The following TCHH variants were observed in gnomAD, a reference collection of about 807,000 sequenced individuals.
The protein encoded by TCHH is trichohyalin.
A neutral mutation model predicts 6.3 loss-of-function variants in TCHH; 6 were observed. That is an observed-to-expected ratio of 0.95 (90% CI 0.52 to 1.88). The LOEUF is 1.88. Among genes scored for constraint, TCHH ranks in the 40% most tolerant of loss-of-function variants. The pLI, the probability that TCHH is intolerant of heterozygous loss-of-function variation, is 0.01. For missense variants in TCHH, 2,920 were observed against 2,449.1 expected (o/e 1.19, Z -4.06); for synonymous variants, 1,087 against 963.6 (o/e 1.13, Z -2.37).
chr1:152,111,672 G>T lies in TCHH; in HGVS notation c.1545C>A (p.Arg515=), dbSNP rs770054167. The change falls in exon 3 of 3, where the codon CGC becomes CGA. Residue 515 remains arginine, a synonymous_variant. Coordinates refer to ENST00000614923, the MANE Select transcript of TCHH (RefSeq NM_007113.4). ...QQLRREQEER[R]EQRLKRQEEE... ...CCTCCTGGCGCTTCAGCCGCTGCTC[G>T]CGCCTCTCCTCTTGCTCCCGCCTTA... 2 of 1,548,600 alleles carry T rather than the reference G, an allele frequency of 1.3e-6. No homozygotes were observed. The highest frequency in any genetic ancestry group is 2.4e-5 in the East Asian group (1 of 41,246).
Position 152,112,954 on chromosome 1 carries a change from G to A in TCHH, c.263C>T (p.Ala88Val). The change falls in exon 3 of 3, where the codon GCT becomes GTT. Residue 88 changes from alanine to valine, a missense_variant. Physicochemically the swap from Ala to Val is moderately conservative, Grantham distance 64 (BLOSUM62 0). Coordinates refer to ENST00000614923, the MANE Select transcript of TCHH (RefSeq NM_007113.4). ...IFKVAQACYY[A>V]LGQATGLDEE... ...ATCCAGTCCCGTGGCCTGGCCGAGA[G>A]CATAGTAACAAGCTTGAGCCACTTT... The A allele has an allele frequency of 6.2e-7, 1 of 1,614,042 alleles. No homozygotes were observed.
chr1:152,109,509 A>G lies in TCHH; in HGVS notation c.3708T>C (p.Arg1236=), dbSNP rs1258469698. The change falls in exon 3 of 3, where the codon CGT becomes CGC. Residue 1236 remains arginine, a synonymous_variant. Transcript: ENST00000614923. ...QWEPEKENAV[R]DNKVYCKGRE... is the part of the protein sequence containing the mutation. ...TGCCTTTGCAGTAAACCTTGTTATC[A>G]CGAACTGCATTTTCTTTTTCTGGTT... The G allele has an allele frequency of 6.2e-7, 1 of 1,614,112 alleles. No individual in the cohort carries two copies. The highest frequency in any genetic ancestry group is 8.5e-7 in the Non-Finnish European group (1 of 1,180,048).
chr1:152,108,478 T>G lies in TCHH; in HGVS notation c.4739A>C (p.Lys1580Thr). 1.2e-6 allele frequency: 2 copies of G among 1,612,890 alleles called. No individual in the cohort carries two copies. Among genetic ancestry groups the G allele is most frequent in the Non-Finnish European group, 1.7e-6 (2 of 1,179,710 alleles). The change falls in exon 3 of 3, where the codon AAA becomes ACA. Residue 1580 changes from lysine (K) to threonine (T), a missense_variant. Coordinates refer to ENST00000614923, the MANE Select transcript of TCHH (RefSeq NM_007113.4). Reference protein sequence around the residue: ...QQLSRQERDRKFRLEEQKVRR... With the variant: ...QQLSRQERDRTFRLEEQKVRR... ...CACTTTCTGTTCCTCTAAACGGAAT[T>G]TTCTGTCACGCTCTTGGCGGCTCAG... is the stretch of plus-strand genomic sequence containing the variant.
In TCHH at chr1:152,113,043, C is replaced by G; in HGVS notation, c.174G>C (p.Leu58=). The G allele has an allele frequency of 2.5e-6, 4 of 1,613,606 alleles. No homozygotes were observed. Among genetic ancestry groups the G allele is most frequent in the Non-Finnish European group, 2.5e-6 (3 of 1,179,792 alleles). The change falls in exon 3 of 3, where the codon CTG becomes CTC. Residue 58 remains leucine (L), a synonymous_variant. Transcript: ENST00000614923. Reference sequence around the variant, plus strand: ...CATTACTGTCAAGATCCAGAAGTTCCAGGATCAGATCTACCGTCTTAGGGT... The same window carrying G: ...CATTACTGTCAAGATCCAGAAGTTCGAGGATCAGATCTACCGTCTTAGGGT... ...PHDPKTVDLI[L]ELLDLDSNGR... is the part of the protein sequence containing the mutation.
chr1:152,112,367 G>A lies in TCHH; in HGVS notation c.850C>T (p.Gln284Ter). ...EEEQLRKLER[Q>*]ELRRERQEEE... ...TCCTGGCGCTCCCTCCTCAGCTCTT[G>A]CCGCTCCAGCTTCCGTAGCTGCTCT... Residue 284 changes from glutamine (Q) to a stop codon, truncating the protein, a stop_gained, in exon 3 of 3, where the codon CAA (glutamine) becomes TAA (stop). Coordinates refer to ENST00000614923, the MANE Select transcript of TCHH (RefSeq NM_007113.4). LOFTEE classifies it low-confidence loss of function (END_TRUNC). 3 of 1,613,652 alleles carry A rather than the reference G, an allele frequency of 1.9e-6. No individual in the cohort carries two copies. Among genetic ancestry groups the A allele is most frequent in the Non-Finnish European group, 2.5e-6 (3 of 1,180,010 alleles).
In TCHH at chr1:152,112,991, G is replaced by A. The variant is rs376099628; in HGVS notation, c.226C>T (p.Leu76=). The change falls in exon 3 of 3, where the codon CTA becomes TTA. Residue 76 remains leucine, a synonymous_variant. Transcript: ENST00000614923. ...GCTTGAGCCACTTTGAAAATAAATA[G>A]GAGGAATTCGTTGAAATCGACACGC... ...NGRVDFNEFL[L]FIFKVAQACY... 2.6e-5 allele frequency: 42 copies of A among 1,613,960 alleles called. No homozygotes were observed. In the African/African-American group the frequency reaches 4.4e-4, roughly 17 times the overall value.
In TCHH at chr1:152,107,413, T is replaced by C. The variant is rs1403491397; in HGVS notation, c.5804A>G (p.Gln1935Arg). The C allele has an allele frequency of 6.3e-7, 1 of 1,595,510 alleles. No individual in the cohort carries two copies. The highest frequency in any genetic ancestry group is 1.3e-5 in the African/African-American group (1 of 74,202). ...AGGGCGGTATTGAGATCTCTGCTCTTGGATGTACTCATAGAGAGGGCTGGA... is the reference window on the plus strand; with the variant it reads ...AGGGCGGTATTGAGATCTCTGCTCTCGGATGTACTCATAGAGAGGGCTGGA... ...VRSSPLYEYI[Q>R]EQRSQYRP Residue 1935 changes from glutamine to arginine, a missense_variant, in exon 3 of 3, where the codon CAA becomes CGA. By Grantham distance (43) the Gln-to-Arg change is conservative (BLOSUM62 1). Transcript: ENST00000614923.
Position 152,109,933 on chromosome 1 carries a change from C to T in TCHH, c.3284G>A (p.Arg1095Lys), listed in dbSNP as rs771823311. ...ELQQEEEQLL[R>K]EEPEKRRRQE... ...GCGCCTTCTCTTCTCCGGTTCCTCT[C>T]TCAGCAGCTGCTCTTCCTCCTGCTG... The change falls in exon 3 of 3, where the codon AGA becomes AAA. Residue 1095 changes from arginine to lysine, a missense_variant. Coordinates refer to ENST00000614923, the MANE Select transcript of TCHH (RefSeq NM_007113.4). 3.1e-6 allele frequency: 5 copies of T among 1,592,592 alleles called. No homozygotes were observed. Among genetic ancestry groups the T allele is most frequent in the Non-Finnish European group, 4.3e-6 (5 of 1,171,318 alleles).
At position 152,109,202 on chromosome 1, in the gene TCHH, G is replaced by C. The variant is rs867454892; in HGVS notation, c.4015C>G (p.Arg1339Gly). 2 of 1,614,122 alleles carry C rather than the reference G, an allele frequency of 1.2e-6. No individual in the cohort carries two copies. Among genetic ancestry groups the C allele is most frequent in the South Asian group, 1.1e-5 (1 of 91,094 alleles). ...TCCTGGAGCAGCTGTTCCTCCTCGC[G>C]GAATTTTCTGTCTGTCTCTTGACGG... The part of the protein sequence containing the change: ...RRRQETDRKF[R>G]EEEQLLQERE... Residue 1339 changes from arginine (R) to glycine (G), a missense_variant, in exon 3 of 3, where the codon CGC becomes GGC. By Grantham distance (125) the Arg-to-Gly change is moderately radical. Coordinates refer to ENST00000614923, the MANE Select transcript of TCHH (RefSeq NM_007113.4).
At position 152,109,328 on chromosome 1, in the gene TCHH, C is replaced by T. The variant is rs371178822; in HGVS notation, c.3889G>A (p.Glu1297Lys). Residue 1297 changes from glutamate (E) to lysine (K), a missense_variant, in exon 3 of 3, where the codon GAA becomes AAA. By Grantham distance (56) the Glu-to-Lys change is moderately conservative (BLOSUM62 1). Transcript: ENST00000614923. ...QQRDRHFPEEEQLEREEQKEA... is the reference protein window; with the variant it reads ...QQRDRHFPEEKQLEREEQKEA... The stretch of plus-strand genomic sequence containing the variant: ...TTTTGCTCTTCTCGCTCCAGCTGTT[C>T]TTCCTCTGGGAAATGCCTGTCGCGC... 3.5e-5 allele frequency: 57 copies of T among 1,614,112 alleles called. No individual in the cohort carries two copies. In the Middle Eastern group the frequency reaches 4.9e-4, roughly 14 times the overall value.
Position 152,110,713 on chromosome 1 carries a change from T to G in TCHH, c.2504A>C (p.Glu835Ala), listed in dbSNP as rs1464198330. Reference protein sequence around the residue: ...REREKELQFLEEEEQLQRRER... With the variant: ...REREKELQFLAEEEQLQRRER... ...CCGCCGCTGGAGCTGCTCCTCTTCC[T>G]CCAGGAACTGCAGCTCTTTCTCCCT... The change falls in exon 3 of 3, where the codon GAG becomes GCG. Residue 835 changes from glutamate (E) to alanine (A), a missense_variant. Coordinates refer to ENST00000614923, the MANE Select transcript of TCHH (RefSeq NM_007113.4). 4 of 1,611,828 alleles carry G rather than the reference T, an allele frequency of 2.5e-6. No individual in the cohort carries two copies.
In TCHH at chr1:152,110,525, G is replaced by C; in HGVS notation, c.2692C>G (p.Gln898Glu). ...AGCAGCTGCTGTTCCTTCCTCAGCTGCTCTTGTAGGGCTGGCTTGGCGTAC... is the reference window on the plus strand; with the variant it reads ...AGCAGCTGCTGTTCCTTCCTCAGCTCCTCTTGTAGGGCTGGCTTGGCGTAC... ...TLYAKPALQE[Q>E]LRKEQQLLQE... The change falls in exon 3 of 3, where the codon CAG becomes GAG. Residue 898 changes from glutamine (Q) to glutamate (E), a missense_variant. Physicochemically the swap from Gln to Glu is conservative, Grantham distance 29. Coordinates refer to ENST00000614923, the MANE Select transcript of TCHH (RefSeq NM_007113.4). 1 of 1,614,138 alleles carries C rather than the reference G, an allele frequency of 6.2e-7. No individual in the cohort carries two copies. Among genetic ancestry groups the C allele is most frequent in the Non-Finnish European group, 8.5e-7 (1 of 1,180,020 alleles).
In TCHH at chr1:152,108,966, G is replaced by A. The variant is rs774829499; in HGVS notation, c.4251C>T (p.Arg1417=). 11 of 1,605,626 alleles carry A rather than the reference G, an allele frequency of 6.9e-6. No homozygotes were observed. Among genetic ancestry groups the A allele is most frequent in the South Asian group, 2.2e-5 (2 of 90,738 alleles). ...GGCGGCTCAGCTGCTGTTCCTCCTC[G>A]CGGAATTTTCTGTCGCGGTCCTGAC... ...QLRQDRDRKF[R]EEEQQLSRQE... The change falls in exon 3 of 3, where the codon CGC becomes CGT. Residue 1417 remains arginine (R), a synonymous_variant. Coordinates refer to ENST00000614923, the MANE Select transcript of TCHH (RefSeq NM_007113.4).
rs1385207490 is a variant in TCHH, at chr1:152,107,803, T to G, written c.5414A>C (p.Gln1805Pro). 2 of 1,613,358 alleles carry G rather than the reference T, an allele frequency of 1.2e-6. No individual in the cohort carries two copies. Among genetic ancestry groups the G allele is most frequent in the Non-Finnish European group, 1.7e-6 (2 of 1,179,802 alleles). The part of the protein sequence containing the change: ...RKFREEEQLR[Q>P]EREEQQLRPQ... Reference sequence around the variant, plus strand: ...GCGCAGCTGCTGTTCTTCCCTCTCCTGGCGTAGCTGTTCCTCCTCGCGGAA... The same window carrying G: ...GCGCAGCTGCTGTTCTTCCCTCTCCGGGCGTAGCTGTTCCTCCTCGCGGAA... Residue 1805 changes from glutamine (Q) to proline (P), a missense_variant, in exon 3 of 3, where the codon CAG becomes CCG. By Grantham distance (76) the Gln-to-Pro change is moderately conservative. Coordinates refer to ENST00000614923, the MANE Select transcript of TCHH (RefSeq NM_007113.4).
Position 152,110,444 on chromosome 1 carries a change from C to T in TCHH, c.2773G>A (p.Glu925Lys), listed in dbSNP as rs1278429092. The change falls in exon 3 of 3, where the codon GAA (glutamate) becomes AAA (lysine). Residue 925 changes from glutamate to lysine, a missense_variant. Transcript: ENST00000614923. ...REEREKRRRQ[E>K]QERQYREEEQ... is the part of the protein sequence containing the mutation. ...TCCTCGCGGTATTGTCTCTCCTGTT[C>T]TTGGCGCCTTCTCTTCTCGCGCTCC... 4 of 1,614,058 alleles carry T rather than the reference C, an allele frequency of 2.5e-6. No homozygotes were observed. In the Admixed American group the frequency reaches 6.7e-5, roughly 27 times the overall value.
Position 152,110,929 on chromosome 1 carries a change from T to C in TCHH, c.2288A>G (p.Gln763Arg), listed in dbSNP as rs1461837153. Residue 763 changes from glutamine to arginine, a missense_variant, in exon 3 of 3, where the codon CAG becomes CGG. Coordinates refer to ENST00000614923, the MANE Select transcript of TCHH (RefSeq NM_007113.4). ...RAHRQQQEEE[Q>R]RRDFTWQWQA... is the part of the protein sequence containing the mutation. ...CCACTGCCATGTGAAGTCCCGGCGCTGCTCCTCTTCCTGCTGCTGCCGGTG... is the reference window on the plus strand; with the variant it reads ...CCACTGCCATGTGAAGTCCCGGCGCCGCTCCTCTTCCTGCTGCTGCCGGTG... 6.2e-7 allele frequency: 1 copy of C among 1,613,238 alleles called. No homozygotes were observed. The highest frequency in any genetic ancestry group is 1.7e-5 in the Admixed American group (1 of 60,022).
chr1:152,113,185 C>T, intron 2 of TCHH, 107 bp from the exon 3 acceptor site: 1 of 1,129,930 alleles, frequency 8.9e-7, no homozygotes, highest in Admixed American at 2.9e-5. Flanking sequence ...AAGAGACATT[C>T]AGAGCAATTA....
rs1392442637 is a variant in TCHH, at chr1:152,106,643, GAC to G, written c.*740_*741del. 3.3e-5 allele frequency: 5 copies of G among 152,190 alleles called. No homozygotes were observed. The highest frequency in any genetic ancestry group is 9.6e-5 in the African/African-American group (4 of 41,506). The allele number at this position is 152,190 out of a possible 1,614,324, so 9.4% of individuals were successfully genotyped here. A position where few individuals can be genotyped will look rare whatever the true frequency, so the allele number is the denominator to read the frequency against. Reference sequence around the variant, plus strand: ...AGAATGAACACTATAGACTACAACAGACACAGTTTTAAAATTTGAACTCTGAA... The same window carrying G: ...AGAATGAACACTATAGACTACAACAGACAGTTTTAAAATTTGAACTCTGAA... On this transcript the variant is annotated 3_prime_UTR_variant, in exon 3 of 3. Transcript: ENST00000614923.
chr1:152,110,480 G>C lies in TCHH; in HGVS notation c.2737C>G (p.Leu913Val), dbSNP rs773914723. The C allele has an allele frequency of 3.7e-6, 6 of 1,613,698 alleles. No individual in the cohort carries two copies. The highest frequency in any genetic ancestry group is 5.1e-6 in the Non-Finnish European group (6 of 1,179,904). ...QQLLQEEEEELQREEREKRRR... is the reference protein window; with the variant it reads ...QQLLQEEEEEVQREEREKRRR... ...CTCTTCTCGCGCTCCTCTCTCTGTA[G>C]CTCCTCCTCCTCCTCCTGCAGCAGC... Residue 913 changes from leucine to valine, a missense_variant, in exon 3 of 3, where the codon CTA (leucine) becomes GTA (valine). By Grantham distance (32) the Leu-to-Val change is conservative. Coordinates refer to ENST00000614923, the MANE Select transcript of TCHH (RefSeq NM_007113.4).
Sources: allele counts gnomAD v4.1 joint callset, GRCh38; gene constraint gnomAD v4.1.1; transcripts MANE v1.5; gene names NCBI Gene and HGNC (gene_info 2026-07-23, HGNC 2026-07-21).